Variants in ADGRL2 observed in about 807,000 individuals in gnomAD.
ADGRL2 encodes calcium-independent alpha-latrotoxin receptor 2.
Under a neutral mutation model 157.4 loss-of-function variants are expected in ADGRL2, and 44 were observed. That is an observed-to-expected ratio of 0.28 (90% CI 0.22 to 0.36). The LOEUF (loss-of-function observed/expected upper bound fraction) is 0.36, where lower values mean the gene tolerates loss of function less well. Among genes scored for constraint, ADGRL2 ranks in the 10% least tolerant of loss-of-function variants. The pLI is 1.00. For missense variants in ADGRL2, 1,510 were observed against 1,768.9 expected, an observed-to-expected ratio of 0.85 and a Z score of 2.63; for synonymous variants, 585 against 624.7, an observed-to-expected ratio of 0.94 and a Z score of 0.95.
chr1:81,515,561 C>T (rs1281394400), intron 2 of ADGRL2, among the ~76,000 whole-genome samples: 2 of 151,810 alleles, frequency 1.3e-5, no homozygotes, highest in African/African-American at 4.8e-5. Context: ...TGCTATGTGA[C>T]TTGTATATGT....
intron 2 of ADGRL2, among the ~76,000 whole-genome samples, chr1:81,555,417 C>A (rs936964607): frequency 6.6e-6 from 1 of 151,668 alleles, no homozygotes; most frequent in Admixed American, 6.6e-5. Context: ...TACAGGCACC[C>A]GCCACCATAT....
chr1:81,901,153 A>G (rs985245738), intron 2 of ADGRL2, among the ~76,000 whole-genome samples: 10 of 152,172 alleles, frequency 6.6e-5, no homozygotes, highest in Non-Finnish European at 1.5e-4. Context: ...GAAACAGAAA[A>G]GTTGATCCAT....
chr1:81,769,858 CT>C (rs2086280198), intron 2 of ADGRL2, among the ~76,000 whole-genome samples: 2 of 151,470 alleles, frequency 1.3e-5, no homozygotes, highest in South Asian at 4.2e-4. Context: ...TTTTATTTTC[CT>C]TTTCTTTTTT....
chr1:81,853,103 C>G (rs146176563), intron 2 of ADGRL2, among the ~76,000 whole-genome samples: 3,275 of 152,224 alleles, frequency 0.022, 57 homozygotes, highest in Middle Eastern at 0.034. Flanking sequence ...TTTGGGGTAT[C>G]TGTTATCACT....
At position 81,991,049 on chromosome 1, in the gene ADGRL2, C is replaced by A. The variant is rs1664516325; in HGVS notation, c.4314C>A (p.Gly1438=). The change falls in exon 24 of 24, where the codon GGC becomes GGA. Residue 1438 remains glycine (G), a synonymous_variant. Transcript: ENST00000686636. ...AGATGTGCTACCAGATCAGCAGGGGCAATAGTGATGGTTATATAATCCCCA... is the reference window on the plus strand; with the variant it reads ...AGATGTGCTACCAGATCAGCAGGGGAAATAGTGATGGTTATATAATCCCCA... ...QLQMCYQISR[G]NSDGYIIPIN... is the part of the protein sequence containing the mutation. 6.2e-7 allele frequency: 1 copy of A among 1,613,582 alleles called. No homozygotes were observed. The highest frequency in any genetic ancestry group is 8.5e-7 in the Non-Finnish European group (1 of 1,179,916).
At chr1:81,517,464 CAAAAAAA>C (rs397956551) in intron 2 of ADGRL2, among the ~76,000 whole-genome samples, 3 of 45,278 alleles carry the variant, frequency 6.6e-5, no homozygotes, top group South Asian at 2.2e-3. Context: ...GACTCCCTCT[CAAAAAAA>C]AAAAAAAAAA....
At chr1:81,555,558 T>C (rs545011389) in intron 2 of ADGRL2, among the ~76,000 whole-genome samples, 15 of 152,022 alleles carry the variant, frequency 9.9e-5, no homozygotes, top group Non-Finnish European at 2.1e-4. Context: ...CATGAACCAC[T>C]GTGCCCAGCC....
chr1:81,739,460 C>G (rs2085003887), intron 1 of ADGRL2, among the ~76,000 whole-genome samples: 1 of 152,184 alleles, frequency 6.6e-6, no homozygotes, highest in African/African-American at 2.4e-5. Context: ...ACACCATCAG[C>G]TTACTCGAGA....
intron 21 of ADGRL2, 90 bp from the exon 22 acceptor site, chr1:81,986,810 TA>T (rs751625431): frequency 1.5e-4 from 200 of 1,323,008 alleles, no homozygotes; most frequent in Middle Eastern, 1.9e-4. Flanking sequence ...TTGATGAATA[TA>T]AAAAAAATAG....
At chr1:81,516,583 T>G (rs1212079385) in intron 2 of ADGRL2, among the ~76,000 whole-genome samples, 3 of 152,240 alleles carry the variant, frequency 2.0e-5, no homozygotes, top group Non-Finnish European at 4.4e-5. Context: ...AATATTTAAT[T>G]GTAAGAAATG....
intron 2 of ADGRL2, among the ~76,000 whole-genome samples, chr1:81,459,354 C>A (rs919534015): frequency 6.6e-6 from 1 of 152,098 alleles, no homozygotes; most frequent in Non-Finnish European, 1.5e-5. Flanking sequence ...ACCCTGCCAA[C>A]CACCATTCTA....
chr1:81,542,169 A>G (rs1434360056), intron 2 of ADGRL2, among the ~76,000 whole-genome samples: 1 of 152,198 alleles, frequency 6.6e-6, no homozygotes, highest in East Asian at 1.9e-4. Flanking sequence ...CCCGTACCAC[A>G]GGTTTGAACA....
At chr1:81,867,060 G>T (rs993685662) in intron 2 of ADGRL2, among the ~76,000 whole-genome samples, 8 of 152,042 alleles carry the variant, frequency 5.3e-5, no homozygotes, top group African/African-American at 1.9e-4. Flanking sequence ...TATAAAAATT[G>T]CATTATGTTT....
intron 2 of ADGRL2, among the ~76,000 whole-genome samples, chr1:81,466,894 C>G (rs2078066973): frequency 6.6e-6 from 1 of 151,944 alleles, no homozygotes; most frequent in African/African-American, 2.4e-5. Flanking sequence ...TATTCCCAGG[C>G]CTGTTCTTAT....
At chr1:81,326,416 T>C (rs1007122809) in intron 1 of ADGRL2, among the ~76,000 whole-genome samples, 4 of 152,190 alleles carry the variant, frequency 2.6e-5, no homozygotes, top group Admixed American at 2.0e-4. Flanking sequence ...CATTCAGGTC[T>C]CAGTAATAAG....
intron 2 of ADGRL2, among the ~76,000 whole-genome samples, chr1:81,791,151 T>C (rs2087325034): frequency 6.8e-6 from 1 of 147,516 alleles, no homozygotes; most frequent in Non-Finnish European, 1.5e-5. Flanking sequence ...TAGAAAGGAG[T>C]TTGAGGGGTC....
At chr1:81,432,983 C>T (rs1031413888) in intron 1 of ADGRL2, among the ~76,000 whole-genome samples, 7 of 152,104 alleles carry the variant, frequency 4.6e-5, no homozygotes, top group Non-Finnish European at 1.0e-4. Context: ...CTTGGGCTTG[C>T]CTGGTACCCT....
At chr1:81,792,883 C>T (rs577411999) in intron 2 of ADGRL2, among the ~76,000 whole-genome samples, 1 of 151,908 alleles carries the variant, frequency 6.6e-6, no homozygotes, top group African/African-American at 2.4e-5. Context: ...ATAAAACAGA[C>T]CATTTTTAAA....
intron 1 of ADGRL2, among the ~76,000 whole-genome samples, chr1:81,386,589 T>C (rs77852558): frequency 0.039 from 5,907 of 152,208 alleles, 147 homozygotes; most frequent in Middle Eastern, 0.095. Context: ...CAAAAGAATA[T>C]ATTACCAAGC....
Sources: gnomAD v4.1 joint callset for allele counts (sites outside exome capture counted in the v4.1 genomes callset) on GRCh38, gnomAD v4.1.1 for gene constraint, MANE v1.5 for transcripts, NCBI Gene and HGNC (gene_info 2026-07-23, HGNC 2026-07-21) for gene names.